Variants in EXT2 observed in about 807,000 individuals in gnomAD.
EXT2 encodes the protein exostosin-2.
Under a neutral mutation model 81.6 loss-of-function variants are expected in EXT2, and 53 were observed. The ratio of observed to expected loss-of-function variants is 0.65; its 90% CI spans 0.52 to 0.82. The LOEUF (loss-of-function observed/expected upper bound fraction) is 0.82. Among genes scored for constraint, EXT2 ranks in the 40% least tolerant of loss-of-function variants. EXT2 has a pLI of 0.00. For missense variants in EXT2, 774 were observed against 910.2 expected, an observed-to-expected ratio of 0.85 and a Z score of 1.93; for synonymous variants, 320 against 340.0, an observed-to-expected ratio of 0.94 and a Z score of 0.65.
At chr11:44,174,391 T>G (rs1267420715) in intron 8 of EXT2, among the ~76,000 whole-genome samples, 1 of 151,962 alleles carries the variant, frequency 6.6e-6, no homozygotes, top group Non-Finnish European at 1.5e-5. Context: ...AGATTTGTCT[T>G]TCTGGTAGAA....
intron 8 of EXT2, among the ~76,000 whole-genome samples, chr11:44,189,635 AC>A (rs1477550665): frequency 6.6e-6 from 1 of 152,212 alleles, no homozygotes; most frequent in Non-Finnish European, 1.5e-5. Flanking sequence ...TGTCATGAGA[AC>A]AGCAAGGGGG....
At chr11:44,104,925 C>G (rs1954034069) in intron 1 of EXT2, 1 of 152,164 alleles carries the variant, frequency 6.6e-6, no homozygotes, top group African/African-American at 2.4e-5. Context: ...TGTATATACT[C>G]CAAAGATGAT....
At chr11:44,118,000 TC>T in intron 4 of EXT2, among the ~76,000 whole-genome samples, 1 of 152,346 alleles carries the variant, frequency 6.6e-6, no homozygotes, top group South Asian at 2.1e-4. Context: ...TCCTGACTAT[TC>T]AGGTCCTTTG....
At chr11:44,147,797 A>G (rs1954741134) in intron 7 of EXT2, among the ~76,000 whole-genome samples, 1 of 59,234 alleles carries the variant, frequency 1.7e-5, no homozygotes, top group Non-Finnish European at 3.3e-5. Context: ...TTTTGTAGCA[A>G]ATTTGTTGAC....
chr11:44,217,245 A>C (rs568104906), intron 10 of EXT2, among the ~76,000 whole-genome samples: 1 of 152,130 alleles, frequency 6.6e-6, no homozygotes, highest in African/African-American at 2.4e-5. Context: ...AAGGCACACC[A>C]TAGCAAGTTC....
At chr11:44,144,855 A>G (rs1954694899) in intron 7 of EXT2, among the ~76,000 whole-genome samples, 1 of 152,152 alleles carries the variant, frequency 6.6e-6, no homozygotes, top group Admixed American at 6.5e-5. Context: ...TTCCCCAAGT[A>G]GCATTTATTT....
chr11:44,128,245 C>G (rs901951399), intron 6 of EXT2, among the ~76,000 whole-genome samples: 1 of 151,944 alleles, frequency 6.6e-6, no homozygotes, highest in Admixed American at 6.6e-5. Context: ...GAAGACAAAC[C>G]GATGATAATG....
intron 4 of EXT2, among the ~76,000 whole-genome samples, chr11:44,122,940 A>G (rs1460906004): frequency 6.6e-6 from 1 of 152,196 alleles, no homozygotes; most frequent in East Asian, 1.9e-4. Flanking sequence ...GCTAGTTGCT[A>G]TTAGTGAAGT....
chr11:44,188,003 C>G (rs1169829057), intron 8 of EXT2, among the ~76,000 whole-genome samples: 2 of 152,194 alleles, frequency 1.3e-5, no homozygotes, highest in African/African-American at 4.8e-5. Flanking sequence ...CACATAAGTA[C>G]AGTGGCAGTG....
intron 7 of EXT2, among the ~76,000 whole-genome samples, chr11:44,159,782 C>A (rs1954905409): frequency 6.6e-6 from 1 of 152,096 alleles, no homozygotes; most frequent in Non-Finnish European, 1.5e-5. Flanking sequence ...GGGGGAAGGA[C>A]TGGACTGTGA....
intron 8 of EXT2, among the ~76,000 whole-genome samples, chr11:44,185,935 A>G (rs1202332168): frequency 6.6e-6 from 1 of 152,224 alleles, no homozygotes; most frequent in Non-Finnish European, 1.5e-5. Context: ...TTGAAACTGT[A>G]AATTTGTTTT....
chr11:44,127,056 A>G (rs931153801), intron 6 of EXT2, 101 bp downstream of exon 6: 3 of 1,438,114 alleles, frequency 2.1e-6, no homozygotes, highest in Non-Finnish European at 2.9e-6. Context: ...TTCAAGAACT[A>G]CTACAGATAG....
intron 4 of EXT2, among the ~76,000 whole-genome samples, chr11:44,122,453 T>C (rs1954332384): frequency 6.6e-6 from 1 of 152,212 alleles, no homozygotes; most frequent in Non-Finnish European, 1.5e-5. Flanking sequence ...GTGCTCCCTG[T>C]ATGTGATCTC....
intron 10 of EXT2, among the ~76,000 whole-genome samples, chr11:44,226,884 C>A (rs1955843710): frequency 6.6e-6 from 1 of 152,246 alleles, no homozygotes; most frequent in Non-Finnish European, 1.5e-5. Context: ...GCAGTGTGTG[C>A]AAGGAAGGAA....
In EXT2 at chr11:44,197,816, T is replaced by A. The variant is rs749657208; in HGVS notation, c.1306-13T>A. On this transcript the variant is annotated splice_polypyrimidine_tract_variant and intron_variant, in intron 8 of 13. Coordinates refer to ENST00000533608, the MANE Select transcript of EXT2 (RefSeq NM_207122.2). Reference sequence around the variant, plus strand: ...GCTGCTTTTCTGACCCGTGTTAATCTGTCCTCTTGTAGAAGTGGGGCAGCG... The same window carrying A: ...GCTGCTTTTCTGACCCGTGTTAATCAGTCCTCTTGTAGAAGTGGGGCAGCG... 2.5e-6 allele frequency: 4 copies of A among 1,613,714 alleles called. No individual in the cohort carries two copies. The highest frequency in any genetic ancestry group is 3.4e-6 in the Non-Finnish European group (4 of 1,179,890).
chr11:44,209,541 T>C (rs1955623343), intron 10 of EXT2, among the ~76,000 whole-genome samples: 1 of 152,194 alleles, frequency 6.6e-6, no homozygotes, highest in South Asian at 2.1e-4. Flanking sequence ...AATCCTGCTT[T>C]TTATCCCAAA....
At chr11:44,111,907 C>T (rs1342089708) in intron 3 of EXT2, among the ~76,000 whole-genome samples, 2 of 152,170 alleles carry the variant, frequency 1.3e-5, no homozygotes, top group Non-Finnish European at 2.9e-5. Context: ...AGAAAATTAA[C>T]AATAATTTTT....
chr11:44,119,124 TTATATA>T lies in EXT2; in HGVS notation c.743+4864_743+4869del, dbSNP rs200249806. Among the ~76,000 whole-genome samples, 252 of 25,610 alleles carry T rather than the reference TTATATA, an allele frequency of 9.8e-3. 2 individuals are homozygous for T. The highest frequency in any genetic ancestry group is 0.016 in the African/African-American group (215 of 13,128). 16.8% of individuals were successfully genotyped at this position (25,610 alleles called of 152,430 possible). On this transcript the variant is annotated intron_variant, in intron 4 of 13. Transcript: ENST00000533608. Reference sequence around the variant, plus strand: ...TGTCCCCCAGGGGACATTTGGCTATTTATATATATATATATATATATATATATATAT... The same window carrying T: ...TGTCCCCCAGGGGACATTTGGCTATTTATATATATATATATATATATATAT...
At chr11:44,187,282 ATCC>A (rs1955328721) in intron 8 of EXT2, among the ~76,000 whole-genome samples, 1 of 139,944 alleles carries the variant, frequency 7.1e-6, no homozygotes, top group African/African-American at 2.5e-5. Context: ...GGCTCCACCA[ATCC>A]TCCTGCTTCA....
Sources: gnomAD v4.1 joint callset for allele counts (sites outside exome capture counted in the v4.1 genomes callset) on GRCh38, gnomAD v4.1.1 for gene constraint, MANE v1.5 for transcripts, NCBI Gene and HGNC (gene_info 2026-07-23, HGNC 2026-07-21) for gene names.